The following CDH13 variants were observed in gnomAD, a reference collection of about 807,000 sequenced individuals.
CDH13 encodes cadherin 13.
Under a neutral mutation model 63.8 loss-of-function variants are expected in CDH13, and 24 were observed. That is an observed-to-expected ratio of 0.38 (90% CI 0.27 to 0.53). CDH13 has a LOEUF of 0.53. CDH13 is among the 20% of genes least tolerant of loss of function. The probability of loss-of-function intolerance (pLI) is 0.85; values close to 1 mark genes in which losing one functional copy is unlikely to be tolerated. For synonymous variants in CDH13, 503 were observed against 355.3 expected, an observed-to-expected ratio of 1.42 and a Z score of -4.67; for missense variants, 1,049 against 903.1, an observed-to-expected ratio of 1.16 and a Z score of -2.07.
chr16:83,526,831 C>G (rs2074973273), intron 7 of CDH13, among the ~76,000 whole-genome samples: 1 of 152,110 alleles, frequency 6.6e-6, no homozygotes, highest in Admixed American at 6.6e-5. Context: ...AGCAGGCAGG[C>G]AGACAGAATG....
intron 3 of CDH13, among the ~76,000 whole-genome samples, chr16:83,071,797 G>C (rs780525280): frequency 2.3e-4 from 35 of 152,108 alleles, no homozygotes; most frequent in Non-Finnish European, 5.9e-5. Context: ...ATAAATTTGA[G>C]ACAGTAGGCA....
At chr16:83,411,546 A>T (rs1456464856) in intron 6 of CDH13, among the ~76,000 whole-genome samples, 1 of 152,240 alleles carries the variant, frequency 6.6e-6, no homozygotes, top group Non-Finnish European at 1.5e-5. Flanking sequence ...ATATTTAAAT[A>T]TTTAAAAAAT....
At chr16:83,537,125 A>C (rs559487714) in intron 7 of CDH13, among the ~76,000 whole-genome samples, 1 of 152,358 alleles carries the variant, frequency 6.6e-6, no homozygotes, top group East Asian at 1.9e-4. Flanking sequence ...ATCAAATTGA[A>C]ATACATAGAA....
At chr16:83,133,703 T>C (rs1457884619) in intron 4 of CDH13, among the ~76,000 whole-genome samples, 1 of 152,176 alleles carries the variant, frequency 6.6e-6, no homozygotes, top group Non-Finnish European at 1.5e-5. Context: ...TTCACCATAT[T>C]GGTCAGGCTG....
intron 7 of CDH13, among the ~76,000 whole-genome samples, chr16:83,503,846 T>G (rs1263825651): frequency 2.0e-5 from 3 of 152,168 alleles, no homozygotes; most frequent in Non-Finnish European, 2.9e-5. Flanking sequence ...ATAGGTTGCC[T>G]GTTCATTCTG....
chr16:83,651,490 G>A lies in CDH13; in HGVS notation c.1102-19300G>A, dbSNP rs529258792. On this transcript the variant is annotated intron_variant, in intron 8 of 13. Transcript: ENST00000567109. ...GCAGATGAGAAAATGGAGACACGGA[G>A]AGGTTAAATGACCTGCCAAAAGTCA... 3.1e-4 allele frequency among the ~76,000 whole-genome samples: 47 copies of A among 151,750 alleles called. 1 individual carries two copies. Among genetic ancestry groups the A allele is most frequent in the Admixed American group, 3.0e-3 (46 of 15,250 alleles).
intron 2 of CDH13, among the ~76,000 whole-genome samples, chr16:83,011,393 A>T (rs1055674085): frequency 6.6e-6 from 1 of 152,150 alleles, no homozygotes; most frequent in Non-Finnish European, 1.5e-5. Flanking sequence ...AGCACATTCA[A>T]TCCCCAGGGA....
At chr16:82,707,395 T>C (rs559048890) in intron 1 of CDH13, among the ~76,000 whole-genome samples, 1 of 152,240 alleles carries the variant, frequency 6.6e-6, no homozygotes, top group South Asian at 2.1e-4. Flanking sequence ...CCAATGAGAA[T>C]GAGCAGGGGT....
At chr16:83,438,424 C>T (rs892237722) in intron 6 of CDH13, among the ~76,000 whole-genome samples, 5 of 152,184 alleles carry the variant, frequency 3.3e-5, no homozygotes, top group African/African-American at 4.8e-5. Flanking sequence ...TAAAGGAATA[C>T]ATTTGAGATG....
At chr16:83,109,716 G>C (rs940308110) in intron 3 of CDH13, among the ~76,000 whole-genome samples, 1 of 152,176 alleles carries the variant, frequency 6.6e-6, no homozygotes, top group Non-Finnish European at 1.5e-5. Flanking sequence ...CCCACCTGTA[G>C]AGCGCTGCAA....
At chr16:82,993,974 G>T (rs1328685138) in intron 2 of CDH13, among the ~76,000 whole-genome samples, 1 of 152,144 alleles carries the variant, frequency 6.6e-6, no homozygotes, top group African/African-American at 2.4e-5. Flanking sequence ...CTGAAGCCCT[G>T]ATTCTTTCCC....
chr16:82,631,118 T>G (rs549240618), intron 1 of CDH13, among the ~76,000 whole-genome samples: 43 of 151,938 alleles, frequency 2.8e-4, no homozygotes, highest in African/African-American at 1.0e-3. Flanking sequence ...CTCGCTAGCT[T>G]TCTTCTTGCT....
intron 2 of CDH13, among the ~76,000 whole-genome samples, chr16:82,936,788 C>T (rs960037144): frequency 2.0e-5 from 3 of 152,112 alleles, no homozygotes. Flanking sequence ...GCCCACACAA[C>T]TGCTTAGTCT....
chr16:83,131,680 AC>A (rs918655524), intron 4 of CDH13, among the ~76,000 whole-genome samples: 1 of 152,192 alleles, frequency 6.6e-6, no homozygotes, highest in African/African-American at 2.4e-5. Context: ...AGTTTGAAAG[AC>A]AAGTCATTTA....
intron 1 of CDH13, among the ~76,000 whole-genome samples, chr16:82,754,229 C>T (rs2034529347): frequency 1.3e-5 from 2 of 152,084 alleles, no homozygotes; most frequent in South Asian, 2.1e-4. Context: ...TCTATTTCTG[C>T]CCTGGGGTCC....
intron 7 of CDH13, among the ~76,000 whole-genome samples, chr16:83,549,883 G>C (rs2075458604): frequency 6.6e-6 from 1 of 152,160 alleles, no homozygotes; most frequent in African/African-American, 2.4e-5. Flanking sequence ...AAGAGAGAGA[G>C]AGACAGAGAG....
intron 4 of CDH13, among the ~76,000 whole-genome samples, chr16:83,190,412 T>C (rs1246498813): frequency 6.6e-6 from 1 of 152,214 alleles, no homozygotes; most frequent in African/African-American, 2.4e-5. Context: ...TTTATAGCAC[T>C]GGAGTTTCAC....
At chr16:83,027,762 T>C (rs1157266678) in intron 2 of CDH13, among the ~76,000 whole-genome samples, 1 of 152,124 alleles carries the variant, frequency 6.6e-6, no homozygotes, top group Non-Finnish European at 1.5e-5. Context: ...TTCCTTCAAT[T>C]CTCCCTTGCT....
Position 83,427,312 on chromosome 16 carries a change from A to G in CDH13, c.782-59165A>G, listed in dbSNP as rs144748135. 7.8e-3 allele frequency among the ~76,000 whole-genome samples: 1,184 copies of G among 152,258 alleles called. 8 individuals are homozygous for G. The highest frequency in any genetic ancestry group is 0.012 in the Non-Finnish European group (818 of 68,024). Reference sequence around the variant, plus strand: ...GTTATTGACTATCTGGATAGACCCAATAGAATCAGAAGTGTCCTTACAAGA... The same window carrying G: ...GTTATTGACTATCTGGATAGACCCAGTAGAATCAGAAGTGTCCTTACAAGA... On this transcript the variant is annotated intron_variant, in intron 6 of 13. Transcript: ENST00000567109.
Sources: gnomAD v4.1 joint callset for allele counts (sites outside exome capture counted in the v4.1 genomes callset) on GRCh38, gnomAD v4.1.1 for gene constraint, MANE v1.5 for transcripts, NCBI Gene and HGNC (gene_info 2026-07-23, HGNC 2026-07-21) for gene names.